MMP9: variants seen among roughly 807,000 people sequenced by gnomAD.
MMP9 encodes the protein matrix metallopeptidase 9, also known as matrix metalloproteinase-9.
Under a neutral mutation model 76.4 loss-of-function variants are expected in MMP9, and 73 were observed. The observed-to-expected ratio is 0.96, with a 90% CI of 0.79 to 1.16. MMP9 has a LOEUF of 1.16. Ranked by LOEUF, MMP9 falls within the 50% of genes most tolerant of loss-of-function variation. MMP9 has a pLI of 0.00. For synonymous variants in MMP9, 412 were observed against 408.4 expected, an observed-to-expected ratio of 1.01 and a Z score of -0.11; for missense variants, 943 against 973.0, an observed-to-expected ratio of 0.97 and a Z score of 0.41.
rs984503896 is a variant in MMP9, at chr20:46,010,639, C to A, written c.520+8C>A. 4.3e-6 allele frequency: 7 copies of A among 1,611,382 alleles called. No homozygotes were observed. Among genetic ancestry groups the A allele is most frequent in the Non-Finnish European group, 5.9e-6 (7 of 1,178,650 alleles). ...TCCAGTTTGGTGTCGCGGGTGAGAA[C>A]GTGAGGAGGGAAAATCCAAGAGACC... is the stretch of plus-strand genomic sequence containing the variant. On this transcript the variant is annotated splice_region_variant and intron_variant, in intron 3 of 12. Transcript: ENST00000372330.
At chr20:46,014,028 G>A in intron 10 of MMP9, 96 bp from the exon 11 acceptor site, 1 of 1,513,662 alleles carries the variant, frequency 6.6e-7, no homozygotes. Context: ...CGGGCACGCG[G>A]GCTAGGAAAG....
chr20:46,011,432 TG>T, intron 5 of MMP9, 116 bp downstream of exon 5: 1 of 1,569,308 alleles, frequency 6.4e-7, no homozygotes. Context: ...TCCCGCACTC[TG>T]GGCCCAATTT....
chr20:46,013,895 G>A lies in MMP9; in HGVS notation c.1750+99G>A. On this transcript the variant is annotated intron_variant, in intron 10 of 12. Transcript: ENST00000372330. The surrounding 1 kb of genome is among the most constrained non-coding windows in gnomAD (Gnocchi z 4.5). ...CCCACGAAACGTCTTGTGCGTTTTA[G>A]AAAAATACGCCCCCTGGCGGACGCA... 1 of 1,535,044 alleles carries A rather than the reference G, an allele frequency of 6.5e-7. No individual in the cohort carries two copies. The highest frequency in any genetic ancestry group is 1.9e-5 in the Admixed American group (1 of 53,180).
intron 12 of MMP9, among the ~76,000 whole-genome samples, chr20:46,015,513 C>A (rs188507601): frequency 6.9e-6 from 1 of 145,690 alleles, no homozygotes; most frequent in East Asian, 2.1e-4. Flanking sequence ...TGCAGTGGCA[C>A]GATCTCAGCT....
chr20:46,009,160 G>T, intron 1 of MMP9, 96 bp downstream of exon 1: 1 of 1,351,064 alleles, frequency 7.4e-7, no homozygotes. Context: ...ATGCTTTAGG[G>T]GTGTGTTGGT....
Position 46,011,684 on chromosome 20 carries a change from C to G in MMP9, c.934C>G (p.Arg312Gly), listed in dbSNP as rs1568847496. ...CTTDGRSDGYRWCATTANYDR... is the reference protein window; with the variant it reads ...CTTDGRSDGYGWCATTANYDR... The stretch of plus-strand genomic sequence containing the variant: ...CACGGACGGTCGCTCCGACGGCTAC[C>G]GCTGGTGCGCCACCACCGCCAACTA... Residue 312 changes from arginine to glycine, a missense_variant, in exon 6 of 13, where the codon CGC (arginine) becomes GGC (glycine). Transcript: ENST00000372330. 1 of 1,614,092 alleles carries G rather than the reference C, an allele frequency of 6.2e-7. No homozygotes were observed. The highest frequency in any genetic ancestry group is 8.5e-7 in the Non-Finnish European group (1 of 1,180,044).
At position 46,011,587 on chromosome 20, in the gene MMP9, G is replaced by A. The variant is rs1240717136; in HGVS notation, c.837G>A (p.Gln279=). 6.2e-7 allele frequency: 1 copy of A among 1,613,490 alleles called. No individual in the cohort carries two copies. The highest frequency in any genetic ancestry group is 8.5e-7 in the Non-Finnish European group (1 of 1,179,884). ...GFCPSERLYT[Q]DGNADGKPCQ... ...TCCTCGCCCCAGGACTCTACACCCA[G>A]GACGGCAATGCTGATGGGAAACCCT... Residue 279 remains glutamine, a synonymous_variant, in exon 6 of 13, where the codon CAG becomes CAA. Transcript: ENST00000372330.
intron 12 of MMP9, among the ~76,000 whole-genome samples, chr20:46,016,043 G>T (rs914914134): frequency 1.3e-5 from 2 of 152,202 alleles, no homozygotes; most frequent in South Asian, 2.1e-4. Flanking sequence ...TAGGCTCTGT[G>T]GCAGTGCTTT....
rs1474644021 is a variant in MMP9 at position 46,009,955 on chromosome 20, G to T, written c.228G>T (p.Lys76Asn). 3 of 1,551,986 alleles carry T rather than the reference G, an allele frequency of 1.9e-6. No homozygotes were observed. The African/African-American group carries it at 4.1e-5, about 21-fold the overall frequency. ...GGCCTGCGCTGCTGCTTCTCCAGAA[G>T]CAACTGTCCCTGCCCGAGACCGGTG... ...SLGPALLLLQ[K>N]QLSLPETGEL... is the part of the protein sequence containing the mutation. The change falls in exon 2 of 13, where the codon AAG (lysine) becomes AAT (asparagine). Residue 76 changes from lysine (K) to asparagine (N), a missense_variant. By Grantham distance (94) the Lys-to-Asn change is moderately conservative (BLOSUM62 0). Transcript: ENST00000372330.
Position 46,010,010 on chromosome 20 carries a change from C to A in MMP9, c.283C>A (p.Arg95=), listed in dbSNP as rs377251829. The A allele has an allele frequency of 6.4e-7, 1 of 1,551,664 alleles. No homozygotes were observed. Among genetic ancestry groups the A allele is most frequent in the Non-Finnish European group, 8.7e-7 (1 of 1,146,980 alleles). ...ELDSATLKAM[R]TPRCGVPDLG... ...GGATAGCGCCACGCTGAAGGCCATG[C>A]GAACCCCACGGTGCGGGGTCCCAGA... Residue 95 remains arginine, a synonymous_variant, in exon 2 of 13, where the codon CGA becomes AGA. Coordinates refer to ENST00000372330, the MANE Select transcript of MMP9 (RefSeq NM_004994.3).
At position 46,014,673 on chromosome 20, in the gene MMP9, C is replaced by G. The variant is rs987485994; in HGVS notation, c.2005+199C>G. ...GCAACCAAGACCAGGACCCAGATTTCCTGCCTCCCCGGCTGGAAGCTCTTT... is the reference window on the plus strand; with the variant it reads ...GCAACCAAGACCAGGACCCAGATTTGCTGCCTCCCCGGCTGGAAGCTCTTT... On this transcript the variant is annotated intron_variant, in intron 12 of 12. Coordinates refer to ENST00000372330, the MANE Select transcript of MMP9 (RefSeq NM_004994.3). The G allele has an allele frequency of 4.7e-6, 3 of 636,068 alleles. No homozygotes were observed. The African/African-American group carries it at 5.5e-5, about 12-fold the overall frequency. 39.4% of individuals were successfully genotyped at this position (636,068 alleles called of 1,614,324 possible). A position where few individuals can be genotyped will look rare whatever the true frequency, so the allele number is the denominator to read the frequency against.
rs201266379 is a variant in MMP9, at chr20:46,013,560, C to A, written c.1610+26C>A. On this transcript the variant is annotated intron_variant, in intron 9 of 12. Transcript: ENST00000372330. The surrounding 1 kb of genome is among the most constrained non-coding windows in gnomAD (Gnocchi z 4.5). The stretch of plus-strand genomic sequence containing the variant: ...GTGAGGAGGCGGGGTTGTGTGGATG[C>A]GGGAGGGGGCTTTGCGGAGGGGCTG... 1.2e-6 allele frequency: 2 copies of A among 1,611,690 alleles called. No individual in the cohort carries two copies. The highest frequency in any genetic ancestry group is 1.7e-6 in the Non-Finnish European group (2 of 1,178,532).
intron 2 of MMP9, 54 bp from the exon 3 acceptor site, chr20:46,010,429 G>T: frequency 6.2e-7 from 1 of 1,607,692 alleles, no homozygotes; most frequent in Non-Finnish European, 8.5e-7. Flanking sequence ...TGTCCCTGCT[G>T]CCCCGCTCCA....
chr20:46,014,377 C>G lies in MMP9; in HGVS notation c.1908C>G (p.Asp636Glu), dbSNP rs1355753598. The change falls in exon 12 of 13, where the codon GAC becomes GAG. Residue 636 changes from aspartate (D) to glutamate (E), a missense_variant. Transcript: ENST00000372330. ...LFSGRRLWRFDVKAQMVDPRS... is the reference protein window; with the variant it reads ...LFSGRRLWRFEVKAQMVDPRS... ...CCTCCGCGCCTGCCCGCAGGTTCGA[C>G]GTGAAGGCGCAGATGGTGGATCCCC... 6.5e-7 allele frequency: 1 copy of G among 1,548,294 alleles called. No homozygotes were observed. The highest frequency in any genetic ancestry group is 8.7e-7 in the Non-Finnish European group (1 of 1,146,966).
At position 46,010,496 on chromosome 20, in the gene MMP9, T is replaced by G. The variant is rs753247273; in HGVS notation, c.385T>G (p.Ser129Ala). 3.1e-6 allele frequency: 5 copies of G among 1,614,090 alleles called. No individual in the cohort carries two copies. In the South Asian group the frequency reaches 5.5e-5, roughly 18 times the overall value. Residue 129 changes from serine to alanine, a missense_variant, in exon 3 of 13, where the codon TCG (serine) becomes GCG (alanine). Physicochemically the swap from Ser to Ala is moderately conservative, Grantham distance 99. Transcript: ENST00000372330. ...CTTACGCTACAGGATCCAAAACTAC[T>G]CGGAAGACTTGCCGCGGGCGGTGAT... is the stretch of plus-strand genomic sequence containing the variant. ...HNITYWIQNYSEDLPRAVIDD... is the reference protein window; with the variant it reads ...HNITYWIQNYAEDLPRAVIDD...
At chr20:46,014,026 C>A in intron 10 of MMP9, 98 bp from the exon 11 acceptor site, 1 of 1,507,618 alleles carries the variant, frequency 6.6e-7, no homozygotes, top group Non-Finnish European at 8.9e-7. Context: ...TGCGGGCACG[C>A]GGGCTAGGAA....
chr20:46,012,656 TGGGGATCGGGGGA>T, intron 8 of MMP9, 74 bp downstream of exon 8: 1 of 969,058 alleles, frequency 1.0e-6, no homozygotes, highest in East Asian at 3.7e-5. Context: ...AATTGGGGGT[TGGGGATCGGGGGA>T]GGAACGGGGC....
chr20:46,010,739 G>T (rs1225552743), intron 3 of MMP9, 108 bp downstream of exon 3: 4 of 1,541,344 alleles, frequency 2.6e-6, no homozygotes, highest in Non-Finnish European at 3.5e-6. Context: ...TTGCCTGCCC[G>T]CGCTGCCCTG....
rs1443740885 is a variant in MMP9 at position 46,012,710 on chromosome 20, C to G, written c.1330+128C>G. The G allele has an allele frequency of 2.9e-6, 4 of 1,376,028 alleles. No homozygotes were observed. The African/African-American group carries it at 5.7e-5, about 20-fold the overall frequency. 85.2% of individuals were successfully genotyped at this position (1,376,028 alleles called of 1,614,324 possible). ...GGAGAGGTGGGACCTCAACGTCTGTCTGGAAGCAGAGCCTGGGCCCAGTCG... is the reference window on the plus strand; with the variant it reads ...GGAGAGGTGGGACCTCAACGTCTGTGTGGAAGCAGAGCCTGGGCCCAGTCG... On this transcript the variant is annotated intron_variant, in intron 8 of 12. Coordinates refer to ENST00000372330, the MANE Select transcript of MMP9 (RefSeq NM_004994.3).
Sources: allele counts gnomAD v4.1 joint callset (sites outside exome capture counted in the v4.1 genomes callset), GRCh38; gene constraint gnomAD v4.1.1; non-coding constraint Gnocchi (gnomAD v3.1); transcripts MANE v1.5; gene names NCBI Gene and HGNC (gene_info 2026-07-23, HGNC 2026-07-21).